The following DYNLL1 variants were observed in gnomAD, a reference collection of about 807,000 sequenced individuals.
DYNLL1 encodes the protein dynein light chain LC8-type 1.
In DYNLL1, 3 loss-of-function variants were observed where a neutral mutation model predicts 10.1. The observed-to-expected ratio is 0.30, with a 90% CI of 0.14 to 0.77. The LOEUF (loss-of-function observed/expected upper bound fraction) is 0.77, where lower values mean the gene tolerates loss of function less well. Among genes scored for constraint, DYNLL1 ranks in the 30% least tolerant of loss-of-function variants. The pLI, the probability that DYNLL1 is intolerant of heterozygous loss-of-function variation, is 0.66. For missense variants in DYNLL1, 47 were observed against 111.7 expected (o/e 0.42, Z 2.61); for synonymous variants, 46 against 41.2 (o/e 1.12, Z -0.45).
upstream of DYNLL1, among the ~76,000 whole-genome samples, chr12:120,493,003 A>C (rs1053456463): frequency 2.0e-5 from 3 of 152,220 alleles, no homozygotes; most frequent in Middle Eastern, 3.4e-3. Flanking sequence ...ATTTTTGTGC[A>C]TAATTCCAGA....
chr12:120,473,889 G>A (rs1388851948), intron 1 of DYNLL1, among the ~76,000 whole-genome samples: 1 of 151,664 alleles, frequency 6.6e-6, no homozygotes, highest in East Asian at 1.9e-4. Flanking sequence ...AGGACTGCTT[G>A]AGCCTGGGAG....
At chr12:120,495,894 G>A (rs556566940), upstream of DYNLL1, 9 of 167,428 alleles carry the variant, frequency 5.4e-5, no homozygotes, top group African/African-American at 9.6e-5. Context: ...GCCTCGTAGC[G>A]TGCGGCCCAT....
In DYNLL1 at chr12:120,496,829, C is replaced by T. The variant is rs1410166255; in HGVS notation, c.132+276C>T. ...ATCTAAGATCAGGGAGCAGCGGTTC[C>T]CCCTTCTGTGTGGTTCCTGCGCCGA... On this transcript the variant is annotated intron_variant, in intron 2 of 2. Coordinates refer to ENST00000242577, the MANE Select transcript of DYNLL1 (RefSeq NM_003746.3). 5.0e-6 allele frequency: 3 copies of T among 599,530 alleles called. No individual in the cohort carries two copies. The African/African-American group carries it at 5.6e-5, about 11-fold the overall frequency. 37.1% of individuals were successfully genotyped at this position (599,530 alleles called of 1,614,324 possible). A position where few individuals can be genotyped will look rare whatever the true frequency, so the allele number is the denominator to read the frequency against.
chr12:120,469,872 C>T (rs930283198), exon 1 of DYNLL1: 5 of 244,536 alleles, frequency 2.0e-5, no homozygotes, highest in Non-Finnish European at 2.3e-5. Context: ...AGCCTGGGGC[C>T]GGGCCGTGTG....
At chr12:120,496,254 C>G in intron 1 of DYNLL1, 38 bp downstream of exon 1, 2 of 1,063,518 alleles carry the variant, frequency 1.9e-6, no homozygotes, top group Non-Finnish European at 2.7e-6. Context: ...TCCTCGCTGC[C>G]TTATTTCGCC....
At chr12:120,482,312 G>A (rs1878898718) in intron 1 of DYNLL1, among the ~76,000 whole-genome samples, 1 of 145,394 alleles carries the variant, frequency 6.9e-6, no homozygotes, top group Admixed American at 7.1e-5. Context: ...AAAGGTACTA[G>A]ATTTGCCAAA....
At chr12:120,480,925 A>G (rs1878866792) in intron 1 of DYNLL1, among the ~76,000 whole-genome samples, 2 of 151,674 alleles carry the variant, frequency 1.3e-5, no homozygotes, top group East Asian at 1.9e-4. Context: ...ATGCCCAGCT[A>G]ATTTTTTGCA....
chr12:120,472,693 AAAT>A (rs1878676281), intron 1 of DYNLL1, among the ~76,000 whole-genome samples: 3 of 152,314 alleles, frequency 2.0e-5, no homozygotes, highest in South Asian at 2.1e-4. Flanking sequence ...AACTGCTTGC[AAAT>A]AATAATAATT....
chr12:120,480,143 G>A (rs1428309048), intron 1 of DYNLL1, among the ~76,000 whole-genome samples: 1 of 152,084 alleles, frequency 6.6e-6, no homozygotes, highest in African/African-American at 2.4e-5. Context: ...AGGAAGATGG[G>A]GCTCAGGGGG....
intron 1 of DYNLL1, among the ~76,000 whole-genome samples, chr12:120,476,550 A>G (rs911547239): frequency 4.6e-5 from 7 of 152,198 alleles, no homozygotes; most frequent in African/African-American, 1.7e-4. Context: ...ATGGGCTGCC[A>G]GTCTGTCTTG....
At chr12:120,480,633 G>A (rs1878860099) in intron 1 of DYNLL1, among the ~76,000 whole-genome samples, 1 of 152,066 alleles carries the variant, frequency 6.6e-6, no homozygotes, top group Admixed American at 6.6e-5. Flanking sequence ...GGCCTCCTCA[G>A]CCTTCAGGTC....
At chr12:120,495,346 C>G (rs1879239874), upstream of DYNLL1, 1 of 152,250 alleles carries the variant, frequency 6.6e-6, no homozygotes, top group Non-Finnish European at 1.5e-5. Flanking sequence ...GCTCAACACT[C>G]CCAAATCCAC....
intron 1 of DYNLL1, among the ~76,000 whole-genome samples, chr12:120,477,737 T>C (rs1242731081): frequency 6.6e-6 from 1 of 152,102 alleles, no homozygotes; most frequent in African/African-American, 2.4e-5. Context: ...GTCTCGCCAC[T>C]GTACTCCAGC....
At chr12:120,496,345 C>T in intron 1 of DYNLL1, 71 bp from the exon 2 acceptor site, 3 of 1,591,592 alleles carry the variant, frequency 1.9e-6, no homozygotes, top group Non-Finnish European at 1.7e-6. Context: ...TGGCGCCGGC[C>T]GGGGTGGGGG....
chr12:120,484,796 T>G (rs1217930256), intron 1 of DYNLL1, among the ~76,000 whole-genome samples: 1 of 150,216 alleles, frequency 6.7e-6, no homozygotes, highest in Non-Finnish European at 1.5e-5. Flanking sequence ...TGGAGTGCAA[T>G]AGCGCAATCT....
intron 1 of DYNLL1, among the ~76,000 whole-genome samples, chr12:120,473,690 C>T (rs377088006): frequency 1.0e-5 from 1 of 99,166 alleles, no homozygotes; most frequent in Non-Finnish European, 1.8e-5. Context: ...GAGACTCTGT[C>T]TCAAAAAAAA....
intron 1 of DYNLL1, among the ~76,000 whole-genome samples, chr12:120,481,686 C>T (rs776181470): frequency 7.9e-5 from 12 of 152,320 alleles, no homozygotes; most frequent in South Asian, 2.1e-4. Flanking sequence ...TCCAGACTTT[C>T]GGAACCTCCT....
rs2043587374 is a variant in DYNLL1, at chr12:120,496,188, G to T, written c.-35G>T. On this transcript the variant is annotated 5_prime_UTR_variant, in exon 1 of 3. Transcript: ENST00000242577. ...GTGCTAGCACCTCCCCCAGGAGACC[G>T]TTGCAGTCGGCCAGCCCCCTTCTCC... 8 of 629,758 alleles carry T rather than the reference G, an allele frequency of 1.3e-5. No homozygotes were observed. In the South Asian group the frequency reaches 1.6e-4, roughly 12 times the overall value. The allele number at this position is 629,758 out of a possible 1,614,324, so 39.0% of individuals were successfully genotyped here. A position where few individuals can be genotyped will look rare whatever the true frequency, so the allele number is the denominator to read the frequency against.
At chr12:120,469,901 G>C (rs891980504) in exon 1 of DYNLL1, 9 of 221,272 alleles carry the variant, frequency 4.1e-5, no homozygotes, top group Non-Finnish European at 8.8e-6. Flanking sequence ...CCCCGAGCGC[G>C]GTTCGCGCTC....
Sources: allele counts gnomAD v4.1 joint callset (sites outside exome capture counted in the v4.1 genomes callset), GRCh38; gene constraint gnomAD v4.1.1; transcripts MANE v1.5; gene names NCBI Gene and HGNC (gene_info 2026-07-23, HGNC 2026-07-21).